Variants in NLGN1 observed in about 807,000 individuals in gnomAD.
NLGN1 encodes neuroligin 1.
NLGN1 carries 12 observed loss-of-function variants against 65.5 expected under a neutral mutation model. The ratio of observed to expected loss-of-function variants is 0.18; its 90% confidence interval spans 0.12 to 0.30. The LOEUF is 0.30. NLGN1 is among the 10% of genes least tolerant of loss of function. The pLI, the probability that NLGN1 is intolerant of heterozygous loss-of-function variation, is 1.00. For synonymous variants in NLGN1, 350 were observed against 359.5 expected, an observed-to-expected ratio of 0.97 and a Z score of 0.30; for missense variants, 750 against 1,007.1, an observed-to-expected ratio of 0.74 and a Z score of 3.46.
At chr3:174,173,728 GTGTT>G (rs1456551847) in intron 4 of NLGN1, among the ~76,000 whole-genome samples, 1 of 151,576 alleles carries the variant, frequency 6.6e-6, no homozygotes, top group Non-Finnish European at 1.5e-5. Flanking sequence ...GTGTGTGTGT[GTGTT>G]TCTCAGTTCT....
At chr3:173,458,933 C>T (rs1048391110) in intron 2 of NLGN1, among the ~76,000 whole-genome samples, 1 of 151,966 alleles carries the variant, frequency 6.6e-6, no homozygotes, top group Non-Finnish European at 1.5e-5. Flanking sequence ...AAGAAGCACC[C>T]TTTGAGAAGA....
chr3:173,747,418 G>A (rs1269837167), intron 3 of NLGN1, among the ~76,000 whole-genome samples: 1 of 145,940 alleles, frequency 6.9e-6, no homozygotes, highest in Non-Finnish European at 1.5e-5. Flanking sequence ...AATATATTTA[G>A]TACATAAAAC....
intron 4 of NLGN1, among the ~76,000 whole-genome samples, chr3:174,223,717 T>C (rs1739086770): frequency 6.6e-6 from 1 of 152,208 alleles, no homozygotes; most frequent in African/African-American, 2.4e-5. Context: ...CTTTATCGCC[T>C]GCTGCTCACA....
intron 1 of NLGN1, among the ~76,000 whole-genome samples, chr3:173,419,781 C>T (rs1046780777): frequency 3.9e-5 from 6 of 151,934 alleles, no homozygotes; most frequent in Non-Finnish European, 5.9e-5. Context: ...CCATCCTGGC[C>T]AACATGGTGA....
chr3:174,165,668 C>T (rs9823356), intron 4 of NLGN1, among the ~76,000 whole-genome samples: 24,995 of 151,900 alleles, frequency 0.16, 4,513 homozygotes, highest in African/African-American at 0.45. Context: ...TCTTTTTCCA[C>T]TGTGTCTTTG....
chr3:173,537,599 A>G (rs1022232111), intron 2 of NLGN1, among the ~76,000 whole-genome samples: 4 of 152,124 alleles, frequency 2.6e-5, no homozygotes, highest in Non-Finnish European at 5.9e-5. Flanking sequence ...ATATAGTTGT[A>G]GCTGGTATTT....
At chr3:173,788,334 C>G (rs1362773647) in intron 3 of NLGN1, among the ~76,000 whole-genome samples, 3 of 150,892 alleles carry the variant, frequency 2.0e-5, no homozygotes, top group Admixed American at 1.3e-4. Context: ...CATTTAGAAC[C>G]CTCACTTTTT....
At chr3:174,215,490 G>A (rs62290343) in intron 4 of NLGN1, among the ~76,000 whole-genome samples, 2 of 151,978 alleles carry the variant, frequency 1.3e-5, no homozygotes, top group Non-Finnish European at 2.9e-5. Context: ...GAAACTTTAG[G>A]GACTATTTGC....
At chr3:174,188,822 C>A (rs1731870884) in intron 4 of NLGN1, among the ~76,000 whole-genome samples, 1 of 151,850 alleles carries the variant, frequency 6.6e-6, no homozygotes, top group Admixed American at 6.6e-5. Context: ...GCTGCTTGCC[C>A]ATGTTTACAG....
intron 2 of NLGN1, among the ~76,000 whole-genome samples, chr3:173,591,581 G>T (rs991076294): frequency 1.3e-5 from 2 of 152,154 alleles, no homozygotes; most frequent in African/African-American, 4.8e-5. Context: ...ACTCTCTGCT[G>T]ATCATCCTCC....
chr3:173,466,489 A>G (rs1439962008), intron 2 of NLGN1, among the ~76,000 whole-genome samples: 3 of 152,240 alleles, frequency 2.0e-5, no homozygotes, highest in Non-Finnish European at 4.4e-5. Context: ...GAGGTGCAGA[A>G]TAGGCTCCTG....
intron 4 of NLGN1, among the ~76,000 whole-genome samples, chr3:174,011,769 A>G (rs971309483): frequency 3.3e-5 from 5 of 152,184 alleles, no homozygotes; most frequent in Non-Finnish European, 7.3e-5. Flanking sequence ...ATATTCAATA[A>G]TATTTATAGA....
chr3:173,956,635 G>A (rs182927340), intron 4 of NLGN1, among the ~76,000 whole-genome samples: 10 of 152,226 alleles, frequency 6.6e-5, no homozygotes, highest in Admixed American at 3.9e-4. Context: ...GCCACTGTAT[G>A]GTTGAGTATT....
chr3:173,523,447 G>A (rs757062813), intron 2 of NLGN1, among the ~76,000 whole-genome samples: 12 of 151,618 alleles, frequency 7.9e-5, no homozygotes, highest in Non-Finnish European at 1.3e-4. Flanking sequence ...TGAGAGATAA[G>A]GATCCAATTT....
At chr3:173,603,831 T>C (rs1750952308) in intron 2 of NLGN1, among the ~76,000 whole-genome samples, 1 of 152,110 alleles carries the variant, frequency 6.6e-6, no homozygotes, top group Non-Finnish European at 1.5e-5. Context: ...TGTTTTCCAA[T>C]GCATACAATC....
chr3:173,973,157 GA>G (rs2152378388), intron 4 of NLGN1, among the ~76,000 whole-genome samples: 1 of 152,178 alleles, frequency 6.6e-6, no homozygotes, highest in African/African-American at 2.4e-5. Context: ...GAAGTCTTTA[GA>G]ACAATCTCTA....
chr3:174,082,532 T>G (rs1392730209), intron 4 of NLGN1, among the ~76,000 whole-genome samples: 1 of 151,660 alleles, frequency 6.6e-6, no homozygotes, highest in Admixed American at 6.6e-5. Context: ...GACTACATAA[T>G]AGAGTTTAAG....
At chr3:173,498,144 G>C (rs892555390) in intron 2 of NLGN1, among the ~76,000 whole-genome samples, 3 of 151,568 alleles carry the variant, frequency 2.0e-5, no homozygotes, top group Non-Finnish European at 2.9e-5. Flanking sequence ...ATGTTGGTGT[G>C]CTGCACCCAT....
At chr3:173,531,004 A>G (rs1486353289) in intron 2 of NLGN1, among the ~76,000 whole-genome samples, 3 of 152,102 alleles carry the variant, frequency 2.0e-5, no homozygotes, top group African/African-American at 7.2e-5. Flanking sequence ...TCTTTCTTCT[A>G]AAATTCTCAC....
Sources: gnomAD v4.1 joint callset for allele counts (sites outside exome capture counted in the v4.1 genomes callset) on GRCh38, gnomAD v4.1.1 for gene constraint, MANE v1.5 for transcripts, NCBI Gene and HGNC (gene_info 2026-07-23, HGNC 2026-07-21) for gene names.